Variants in GABRR3 observed in about 807,000 individuals in gnomAD.
GABRR3 encodes the protein gamma-aminobutyric acid receptor subunit rho-3.
Under a neutral mutation model 43.2 loss-of-function variants are expected in GABRR3, and 29 were observed. That is an observed-to-expected ratio of 0.67 (90% confidence interval 0.50 to 0.92). The LOEUF is 0.92. Among genes scored for constraint, GABRR3 ranks in the 40% least tolerant of loss-of-function variants. The pLI, the probability that GABRR3 is intolerant of heterozygous loss-of-function variation, is 0.00. For synonymous variants in GABRR3, 206 were observed against 195.9 expected, an observed-to-expected ratio of 1.05 and a Z score of -0.43; for missense variants, 576 against 572.3, an observed-to-expected ratio of 1.01 and a Z score of -0.07.
intron 8 of GABRR3, chr3:97,999,255 T>C (rs181531905): frequency 2.0e-5 from 3 of 152,258 alleles, no homozygotes; most frequent in Admixed American, 2.0e-4. Context: ...GGGTAATGCA[T>C]GGGAGTGTAC....
chr3:98,026,615 T>TCATTAGCAG (rs1362258658), intron 2 of GABRR3, among the ~76,000 whole-genome samples: 2 of 149,634 alleles, frequency 1.3e-5, no homozygotes, highest in East Asian at 2.0e-4. Context: ...ATCATCATCA[T>TCATTAGCAG]CATCATCATC....
In GABRR3 at chr3:98,001,712, AAAG is replaced by A. The variant is rs749111895; in HGVS notation, c.807_809del (p.Phe270del). On this transcript the variant is annotated inframe_deletion, in exon 8 of 10. Coordinates refer to ENST00000621172, the Ensembl canonical transcript of GABRR3. The stretch of plus-strand genomic sequence containing the variant: ...TGGCTGGGAAATAGGTTTGCAGCAC[AAAG>A]AAGAAAACATGCCTCCTTAGCACAA... 2.6e-5 allele frequency: 42 copies of A among 1,613,202 alleles called. No homozygotes were observed. The African/African-American group carries it at 5.5e-4, about 21-fold the overall frequency.
chr3:98,012,180 G>A (rs1706801841), intron 5 of GABRR3, among the ~76,000 whole-genome samples, 164 bp downstream of exon 5: 1 of 152,178 alleles, frequency 6.6e-6, no homozygotes, highest in African/African-American at 2.4e-5. Flanking sequence ...TTAAAATCTG[G>A]ATGTTAGAAC....
At chr3:98,016,482 C>T (rs1226203751) in intron 4 of GABRR3, among the ~76,000 whole-genome samples, 1 of 152,134 alleles carries the variant, frequency 6.6e-6, no homozygotes, top group Admixed American at 6.6e-5. Flanking sequence ...GTGTCATGCT[C>T]CTTGTATGGC....
intron 3 of GABRR3, among the ~76,000 whole-genome samples, chr3:98,018,863 A>T (rs1197713710): frequency 6.6e-6 from 1 of 152,104 alleles, no homozygotes; most frequent in Non-Finnish European, 1.5e-5. Flanking sequence ...TTATCCCAGC[A>T]CTTTGGCAGG....
At chr3:98,007,396 C>A (rs2107236140) in intron 7 of GABRR3, among the ~76,000 whole-genome samples, 1 of 152,000 alleles carries the variant, frequency 6.6e-6, no homozygotes, top group East Asian at 1.9e-4. Context: ...GTGGGTGAGT[C>A]CCACATTAGG....
intron 4 of GABRR3, 54 bp downstream of exon 4, chr3:98,017,601 C>T (rs1706886913): frequency 7.9e-7 from 1 of 1,265,758 alleles, no homozygotes; most frequent in East Asian, 2.4e-5. Flanking sequence ...GATTTTGACA[C>T]TGCCGAGTTT....
intron 3 of GABRR3, 36 bp downstream of exon 3, chr3:98,025,531 G>T: frequency 7.1e-7 from 1 of 1,411,014 alleles, no homozygotes; most frequent in Non-Finnish European, 9.8e-7. Context: ...ACAGTGCAAT[G>T]GGTTTTGAAA....
At chr3:97,993,021 G>A (rs1362561951) in exon 9 of GABRR3, 1 of 1,611,504 alleles carries the variant, frequency 6.2e-7, no homozygotes, top group East Asian at 2.2e-5. Flanking sequence ...AGTGATGATT[G>A]TGGACATGGT....
intron 3 of GABRR3, among the ~76,000 whole-genome samples, chr3:98,021,216 T>C (rs1016848377): frequency 1.3e-5 from 2 of 152,094 alleles, no homozygotes; most frequent in African/African-American, 4.8e-5. Flanking sequence ...TATTCATGGG[T>C]TTGAGGAACT....
At chr3:98,018,052 T>G (rs1706894875) in intron 3 of GABRR3, among the ~76,000 whole-genome samples, 1 of 151,712 alleles carries the variant, frequency 6.6e-6, no homozygotes, top group Admixed American at 6.6e-5. Context: ...ACTAGTGATT[T>G]AAAAAGGAAA....
At chr3:98,018,266 T>C (rs1361845419) in intron 3 of GABRR3, among the ~76,000 whole-genome samples, 1 of 152,178 alleles carries the variant, frequency 6.6e-6, no homozygotes, top group Non-Finnish European at 1.5e-5. Flanking sequence ...GAAAATTTTA[T>C]TGAGACTAAA....
intron 4 of GABRR3, among the ~76,000 whole-genome samples, chr3:98,015,869 T>C (rs895697777): frequency 6.6e-6 from 1 of 152,192 alleles, no homozygotes; most frequent in Non-Finnish European, 1.5e-5. Flanking sequence ...GGAGGTGTAT[T>C]AGTCCATTTT....
chr3:98,033,333 C>T (rs1001349092), intron 2 of GABRR3, among the ~76,000 whole-genome samples: 8 of 152,124 alleles, frequency 5.3e-5, no homozygotes, highest in Admixed American at 1.3e-4. Flanking sequence ...GCGTTTCCTA[C>T]GGGGGAAGTC....
chr3:98,010,043 C>T (rs1706768207), intron 5 of GABRR3, among the ~76,000 whole-genome samples: 1 of 152,166 alleles, frequency 6.6e-6, no homozygotes, highest in Admixed American at 6.5e-5. Flanking sequence ...CTTGGATTGG[C>T]TCTGCTGTTG....
chr3:97,990,226 A>G (rs192465276), intron 9 of GABRR3, among the ~76,000 whole-genome samples: 36 of 152,344 alleles, frequency 2.4e-4, no homozygotes, highest in Admixed American at 9.1e-4. Flanking sequence ...TCATCATAAC[A>G]GCCCTGTGAA....
In GABRR3 at chr3:97,993,636, A is replaced by C. The variant is rs150191107; in HGVS notation, c.908-588T>G. Among the ~76,000 whole-genome samples, 597 of 152,284 alleles carry C rather than the reference A, an allele frequency of 3.9e-3. 3 individuals carry two copies. The highest frequency in any genetic ancestry group is 5.5e-3 in the Non-Finnish European group (375 of 68,022). Reference sequence around the variant, plus strand: ...CTACAGTTCCATTGATTCTGAGTATAAGTGTGCTAGTAGGGGTTCAGTTCA... The same window carrying C: ...CTACAGTTCCATTGATTCTGAGTATCAGTGTGCTAGTAGGGGTTCAGTTCA... On this transcript the variant is annotated intron_variant, in intron 8 of 9. Coordinates refer to ENST00000621172, the Ensembl canonical transcript of GABRR3.
At chr3:98,022,075 A>G (rs1355176452) in intron 3 of GABRR3, among the ~76,000 whole-genome samples, 6 of 152,196 alleles carry the variant, frequency 3.9e-5, no homozygotes, top group African/African-American at 1.2e-4. Flanking sequence ...ACAAGCAAAG[A>G]CTGTGCAAGC....
intron 3 of GABRR3, among the ~76,000 whole-genome samples, chr3:98,023,583 A>C (rs760219301): frequency 3.9e-4 from 60 of 152,200 alleles, no homozygotes; most frequent in Non-Finnish European, 7.1e-4. Context: ...AAACTTTGGG[A>C]AAATTTGGCT....
Sources: allele counts gnomAD v4.1 joint callset (sites outside exome capture counted in the v4.1 genomes callset), GRCh38; gene constraint gnomAD v4.1.1; transcripts MANE v1.5; gene names NCBI Gene and HGNC (gene_info 2026-07-23, HGNC 2026-07-21).